The following SCHIP1 variants were observed in gnomAD, a reference collection of about 807,000 sequenced individuals.
SCHIP1 encodes schwannomin-interacting protein 1.
A neutral mutation model predicts 29.7 loss-of-function variants in SCHIP1; 8 were observed. The observed-to-expected ratio is 0.27, with a 90% CI of 0.16 to 0.49. The LOEUF is 0.49. SCHIP1 is among the 20% of genes least tolerant of loss of function. The pLI is 0.99. For synonymous variants in SCHIP1, 76 were observed against 94.9 expected, an observed-to-expected ratio of 0.80 and a Z score of 1.16; for missense variants, 193 against 294.6, an observed-to-expected ratio of 0.66 and a Z score of 2.52.
chr3:159,688,754 C>T, the SCHIP1 span, among the ~76,000 whole-genome samples: 2 of 152,202 alleles, frequency 1.3e-5, no homozygotes, highest in African/African-American at 2.4e-5. Context: ...ATCTTTAATC[C>T]ATCTTGAGTT....
the SCHIP1 span, chr3:159,275,246 C>A: frequency 3.8e-6 from 1 of 259,964 alleles, no homozygotes; most frequent in Non-Finnish European, 6.0e-6. Context: ...TTTTAAGTTT[C>A]ATTTCCCAAA....
chr3:159,450,811 T>C, the SCHIP1 span, among the ~76,000 whole-genome samples: 1 of 147,248 alleles, frequency 6.8e-6, no homozygotes, highest in Non-Finnish European at 1.5e-5. Context: ...AGTATTCTTT[T>C]TTTTTTTTTT....
At chr3:159,457,063 A>G in the SCHIP1 span, among the ~76,000 whole-genome samples, 1 of 152,184 alleles carries the variant, frequency 6.6e-6, no homozygotes, top group Non-Finnish European at 1.5e-5. Context: ...CTCAAATTAC[A>G]AAAGCTTGCA....
At chr3:159,377,853 G>C in the SCHIP1 span, among the ~76,000 whole-genome samples, 1 of 152,282 alleles carries the variant, frequency 6.6e-6, no homozygotes, top group South Asian at 2.1e-4. Flanking sequence ...GAGTATAAGA[G>C]AGGAACAATA....
At chr3:159,461,705 A>G in the SCHIP1 span, among the ~76,000 whole-genome samples, 12 of 151,724 alleles carry the variant, frequency 7.9e-5, no homozygotes, top group Middle Eastern at 3.4e-3. Context: ...AACCCTTAAC[A>G]GTTACTATTT....
the SCHIP1 span, among the ~76,000 whole-genome samples, chr3:159,684,826 GAAA>G: frequency 1.2e-3 from 173 of 142,080 alleles, no homozygotes; most frequent in African/African-American, 4.4e-3. Context: ...AAGAAAGAAA[GAAA>G]GAAAAAAGAA....
the SCHIP1 span, among the ~76,000 whole-genome samples, chr3:159,335,500 C>T: frequency 2.0e-5 from 3 of 152,246 alleles, no homozygotes; most frequent in African/African-American, 7.2e-5. Context: ...CACTCCCCCC[C>T]AGTCCACAAC....
chr3:159,878,777 C>CA lies in SCHIP1; in HGVS notation c.150-7420dup, dbSNP rs889506449. ...TGGGCGACAGAGCGAGACTCCGTCT[C>CA]AAAAAAAAAATAAAATAAAATAAAA... On this transcript the variant is annotated intron_variant, in intron 2 of 6. Transcript: ENST00000445224. 7.8e-4 allele frequency among the ~76,000 whole-genome samples: 83 copies of CA among 106,420 alleles called. 1 individual carries two copies. The highest frequency in any genetic ancestry group is 2.2e-3 in the South Asian group (8 of 3,634). The allele number at this position is 106,420 out of a possible 152,430, so 69.8% of individuals were successfully genotyped here. A position where few individuals can be genotyped will look rare whatever the true frequency, so the allele number is the denominator to read the frequency against.
chr3:159,384,597 G>A, the SCHIP1 span, among the ~76,000 whole-genome samples: 4 of 151,804 alleles, frequency 2.6e-5, no homozygotes, highest in African/African-American at 9.7e-5. Context: ...CTGCCTGGCT[G>A]TGGTATCAGG....
the SCHIP1 span, among the ~76,000 whole-genome samples, chr3:159,405,105 G>A: frequency 1.3e-5 from 2 of 152,152 alleles, no homozygotes; most frequent in African/African-American, 4.8e-5. Flanking sequence ...TGCAGAGATG[G>A]CTGCAGTGAC....
the SCHIP1 span, among the ~76,000 whole-genome samples, chr3:159,278,281 G>T: frequency 6.6e-6 from 1 of 152,064 alleles, no homozygotes; most frequent in African/African-American, 2.4e-5. Flanking sequence ...GGGAAAACTG[G>T]GAAATAAAAC....
the SCHIP1 span, among the ~76,000 whole-genome samples, chr3:159,693,717 A>G: frequency 6.6e-6 from 1 of 152,226 alleles, no homozygotes; most frequent in African/African-American, 2.4e-5. Flanking sequence ...TAGGAAGCAA[A>G]CAACAATGAA....
At chr3:159,426,248 G>A in the SCHIP1 span, among the ~76,000 whole-genome samples, 36 of 152,210 alleles carry the variant, frequency 2.4e-4, no homozygotes, top group East Asian at 4.1e-3. Flanking sequence ...TCCAGGAGAT[G>A]GTTTTTTGAA....
chr3:159,713,895 T>C, the SCHIP1 span, among the ~76,000 whole-genome samples: 37 of 152,352 alleles, frequency 2.4e-4, no homozygotes, highest in East Asian at 7.1e-3. Flanking sequence ...TTTACAAGCT[T>C]CGTGGTAATC....
the SCHIP1 span, among the ~76,000 whole-genome samples, chr3:159,550,763 TCA>T: frequency 6.6e-6 from 1 of 152,132 alleles, no homozygotes; most frequent in Non-Finnish European, 1.5e-5. Flanking sequence ...CTATAAATAA[TCA>T]CAGTTGTAGA....
At chr3:159,425,699 A>T in the SCHIP1 span, among the ~76,000 whole-genome samples, 1 of 152,216 alleles carries the variant, frequency 6.6e-6, no homozygotes, top group African/African-American at 2.4e-5. Flanking sequence ...GACCTAATAG[A>T]CATCTACAGA....
chr3:159,337,033 G>A, the SCHIP1 span, among the ~76,000 whole-genome samples: 3 of 152,042 alleles, frequency 2.0e-5, no homozygotes, highest in Non-Finnish European at 4.4e-5. Flanking sequence ...CAGATGCAAG[G>A]CTGGTTCAAC....
At chr3:159,693,106 G>T in the SCHIP1 span, among the ~76,000 whole-genome samples, 3 of 152,138 alleles carry the variant, frequency 2.0e-5, no homozygotes, top group East Asian at 3.9e-4. Context: ...AATTAAGAGT[G>T]CTCTACTGAC....
chr3:159,550,415 T>C, the SCHIP1 span, among the ~76,000 whole-genome samples: 1 of 152,110 alleles, frequency 6.6e-6, no homozygotes, highest in Non-Finnish European at 1.5e-5. Context: ...TTAGATTTAA[T>C]TGTTCTATAG....
Sources: gnomAD v4.1 joint callset for allele counts (sites outside exome capture counted in the v4.1 genomes callset) on GRCh38, gnomAD v4.1.1 for gene constraint, MANE v1.5 for transcripts, NCBI Gene and HGNC (gene_info 2026-07-23, HGNC 2026-07-21) for gene names.